TYR: variants seen among roughly 807,000 people sequenced by gnomAD.
TYR encodes LB24-AB.
In TYR, 58 loss-of-function variants were observed where a neutral mutation model predicts 51.5. The ratio of observed to expected loss-of-function variants is 1.13; its 90% CI spans 0.91 to 1.40. The LOEUF is 1.40. TYR is among the 40% of genes most tolerant of loss of function. The pLI, the probability that TYR is intolerant of heterozygous loss-of-function variation, is 0.00. For synonymous variants in TYR, 263 were observed against 235.2 expected, an observed-to-expected ratio of 1.12 and a Z score of -1.08; for missense variants, 732 against 647.4, an observed-to-expected ratio of 1.13 and a Z score of -1.42.
chr11:89,286,589 G>T (rs1366502795), intron 4 of TYR, among the ~76,000 whole-genome samples: 1 of 151,722 alleles, frequency 6.6e-6, no homozygotes, highest in South Asian at 2.1e-4. Flanking sequence ...ACAATTTGGG[G>T]CTAACAGGAG....
intron 2 of TYR, among the ~76,000 whole-genome samples, chr11:89,209,556 C>A (rs922094985): frequency 6.6e-6 from 1 of 152,232 alleles, no homozygotes. Context: ...AGGCATCAGA[C>A]AGCTTATGCA....
In TYR at chr11:89,295,446, C is replaced by T. The variant is rs1450618456; in HGVS notation, c.*80C>T. ...TAATGTCCAGGTTCCCAGAGAATAT[C>T]TGCTGGTATTTTTCTGTAAAGACCA... On this transcript the variant is annotated 3_prime_UTR_variant, in exon 5 of 5. Coordinates refer to ENST00000263321, the MANE Select transcript of TYR (RefSeq NM_000372.5). 117 of 1,544,642 alleles carry T rather than the reference C, an allele frequency of 7.6e-5. No homozygotes were observed. Among genetic ancestry groups the T allele is most frequent in the Non-Finnish European group, 9.9e-5 (112 of 1,135,440 alleles).
chr11:89,252,467 T>TA (rs1288142844), intron 3 of TYR, among the ~76,000 whole-genome samples: 1 of 151,522 alleles, frequency 6.6e-6, no homozygotes, highest in African/African-American at 2.4e-5. Flanking sequence ...AATGTCCACA[T>TA]AAATCAAAGA....
chr11:89,189,137 C>G (rs1943411005), intron 1 of TYR, among the ~76,000 whole-genome samples: 2 of 151,920 alleles, frequency 1.3e-5, no homozygotes, highest in African/African-American at 4.8e-5. Context: ...ACAAAATACA[C>G]TAAAGATGAA....
At chr11:89,240,644 G>T (rs1308661420) in intron 3 of TYR, among the ~76,000 whole-genome samples, 1 of 151,818 alleles carries the variant, frequency 6.6e-6, no homozygotes, top group South Asian at 2.1e-4. Flanking sequence ...ATGAACATTT[G>T]TTTCTTATAC....
At chr11:89,248,514 G>A (rs1165253717) in intron 3 of TYR, among the ~76,000 whole-genome samples, 1 of 152,014 alleles carries the variant, frequency 6.6e-6, no homozygotes, top group Non-Finnish European at 1.5e-5. Context: ...AGGTCCCATG[G>A]CATAAAAGAG....
chr11:89,278,917 C>T (rs1939255), intron 3 of TYR, among the ~76,000 whole-genome samples: 14,315 of 151,628 alleles, frequency 0.094, 931 homozygotes, highest in African/African-American at 0.18. Flanking sequence ...TTCACAACTT[C>T]GAGGAGTACT....
chr11:89,284,724 C>A, intron 3 of TYR, 49 bp from the exon 4 acceptor site: 1 of 1,579,640 alleles, frequency 6.3e-7, no homozygotes, highest in East Asian at 2.2e-5. Flanking sequence ...TCAAATGTTT[C>A]TTTTATACAC....
chr11:89,235,988 T>C (rs1418646191), intron 3 of TYR, among the ~76,000 whole-genome samples: 1 of 152,140 alleles, frequency 6.6e-6, no homozygotes, highest in Non-Finnish European at 1.5e-5. Flanking sequence ...TTTTTAAAAG[T>C]GTCAATTTGT....
Position 89,240,730 on chromosome 11 carries a change from T to C in TYR, c.1184+12760T>C, listed in dbSNP as rs559357964. ...TTCTGGACTTTGCAACTGGATAATC[T>C]CTTTTTGAAGAAATGACAGTAATAC... On this transcript the variant is annotated intron_variant, in intron 3 of 4. Transcript: ENST00000263321. Among the ~76,000 whole-genome samples the C allele has an allele frequency of 1.8e-3, 270 of 152,304 alleles. 3 individuals are homozygous for C. The highest frequency in any genetic ancestry group is 6.3e-3 in the African/African-American group (261 of 41,570).
In TYR at chr11:89,205,468, TA is replaced by T. The variant is rs1284657514; in HGVS notation, c.1036+14055del. Among the ~76,000 whole-genome samples, 21 of 152,270 alleles carry T rather than the reference TA, an allele frequency of 1.4e-4. No individual in the cohort carries two copies. In the East Asian group the frequency reaches 4.0e-3, roughly 29 times the overall value. On this transcript the variant is annotated intron_variant, in intron 2 of 4. Coordinates refer to ENST00000263321, the MANE Select transcript of TYR (RefSeq NM_000372.5). ...TCAAAATATATCACTATTAAACTTCTAAAAACTAAAACAAATATTCAAAGTA... is the reference window on the plus strand; with the variant it reads ...TCAAAATATATCACTATTAAACTTCTAAAACTAAAACAAATATTCAAAGTA...
intron 1 of TYR, 36 bp from the exon 2 acceptor site, chr11:89,191,166 G>T (rs777968086): frequency 6.3e-7 from 1 of 1,594,524 alleles, no homozygotes; most frequent in African/African-American, 1.3e-5. Context: ...CTCAGTGGTG[G>T]TGACAATTTG....
chr11:89,231,317 T>C (rs893279412), intron 3 of TYR, among the ~76,000 whole-genome samples: 8 of 145,842 alleles, frequency 5.5e-5, no homozygotes, highest in Admixed American at 2.7e-4. Flanking sequence ...CCTGGGCATG[T>C]ATCGAAAGGG....
At chr11:89,205,429 C>T (rs1943660922) in intron 2 of TYR, among the ~76,000 whole-genome samples, 1 of 152,076 alleles carries the variant, frequency 6.6e-6, no homozygotes, top group African/African-American at 2.4e-5. Flanking sequence ...TAATAAATCC[C>T]ATAGCAATCC....
chr11:89,294,541 C>A (rs1455604560), intron 4 of TYR, among the ~76,000 whole-genome samples: 1 of 152,204 alleles, frequency 6.6e-6, no homozygotes, highest in Non-Finnish European at 1.5e-5. Flanking sequence ...AGGGCCCACT[C>A]CTATGCCACT....
chr11:89,186,293 T>C (rs1016465670), intron 1 of TYR, among the ~76,000 whole-genome samples: 1 of 152,062 alleles, frequency 6.6e-6, no homozygotes, highest in African/African-American at 2.4e-5. Flanking sequence ...ACATTTGAGG[T>C]TTAATGATCT....
chr11:89,222,672 G>A (rs1943927787), intron 2 of TYR, among the ~76,000 whole-genome samples: 2 of 152,242 alleles, frequency 1.3e-5, no homozygotes, highest in South Asian at 4.2e-4. Context: ...CCAGGAGGTG[G>A]AGGTTGCAGA....
chr11:89,234,247 C>A (rs1944084107), intron 3 of TYR, among the ~76,000 whole-genome samples: 1 of 143,746 alleles, frequency 7.0e-6, no homozygotes. Context: ...TTCCTCACCT[C>A]TTTGACCCTC....
chr11:89,222,784 A>G (rs1178673899), intron 2 of TYR, among the ~76,000 whole-genome samples: 2 of 152,186 alleles, frequency 1.3e-5, no homozygotes, highest in Non-Finnish European at 1.5e-5. Context: ...AACTGGGTTT[A>G]TTAATTTCCT....
Sources: allele counts gnomAD v4.1 joint callset (sites outside exome capture counted in the v4.1 genomes callset), GRCh38; gene constraint gnomAD v4.1.1; transcripts MANE v1.5; gene names NCBI Gene and HGNC (gene_info 2026-07-23, HGNC 2026-07-21).